Variants in RGS5 observed in about 807,000 individuals in gnomAD.
RGS5 encodes the protein regulator of G-protein signalling 5.
Under a neutral mutation model 18.9 loss-of-function variants are expected in RGS5, and 20 were observed. The ratio of observed to expected loss-of-function variants is 1.06; its 90% CI spans 0.74 to 1.54. The LOEUF is 1.54. Ranked by LOEUF, RGS5 falls within the 40% of genes most tolerant of loss-of-function variation. The probability of loss-of-function intolerance (pLI) is 0.00; values close to 1 mark genes in which losing one functional copy is unlikely to be tolerated. For synonymous variants in RGS5, 57 were observed against 76.2 expected (o/e 0.75, Z 1.31); for missense variants, 201 against 211.8 (o/e 0.95, Z 0.32).
At chr1:163,213,455 C>T (rs1447428080) in intron 1 of RGS5, among the ~76,000 whole-genome samples, 1 of 152,122 alleles carries the variant, frequency 6.6e-6, no homozygotes, top group Non-Finnish European at 1.5e-5. Flanking sequence ...TCCATTCTTT[C>T]TGAGTGTAAT....
chr1:163,150,782 T>C (rs1204861612), intron 4 of RGS5, among the ~76,000 whole-genome samples: 1 of 152,196 alleles, frequency 6.6e-6, no homozygotes, highest in Non-Finnish European at 1.5e-5. Context: ...CATCTACTAG[T>C]ATCAAGGTAC....
chr1:163,226,135 G>T (rs55892625), intron 2 of RGS5, among the ~76,000 whole-genome samples: 5,326 of 150,552 alleles, frequency 0.035, 134 homozygotes, highest in Middle Eastern at 0.078. Flanking sequence ...GGTCAGGCTG[G>T]TCTCAAACTC....
intron 1 of RGS5, among the ~76,000 whole-genome samples, chr1:163,210,544 G>A (rs1263136638): frequency 6.6e-6 from 1 of 152,138 alleles, no homozygotes; most frequent in African/African-American, 2.4e-5. Flanking sequence ...TGAAGAAAGA[G>A]AGAAAGTATC....
At chr1:163,165,344 G>A in intron 2 of RGS5, among the ~76,000 whole-genome samples, 1 of 152,146 alleles carries the variant, frequency 6.6e-6, no homozygotes, top group Non-Finnish European at 1.5e-5. Flanking sequence ...CAGGGGAAAG[G>A]GAGACATTTA....
chr1:163,313,665 CT>C (rs972305444), intron 1 of RGS5, among the ~76,000 whole-genome samples: 3 of 152,174 alleles, frequency 2.0e-5, no homozygotes, highest in Non-Finnish European at 4.4e-5. Context: ...CAACTAAACC[CT>C]TCCCCACAGA....
At chr1:163,296,441 C>T (rs1280371844) in intron 2 of RGS5, among the ~76,000 whole-genome samples, 1 of 152,084 alleles carries the variant, frequency 6.6e-6, no homozygotes. Flanking sequence ...TAAAGACTGC[C>T]CCTTTACTAA....
chr1:163,211,479 G>A (rs1660100734), intron 1 of RGS5: 1 of 152,134 alleles, frequency 6.6e-6, no homozygotes, highest in Non-Finnish European at 1.5e-5. Context: ...AGGTGGTGAA[G>A]GCATAGAAGT....
intron 1 of RGS5, among the ~76,000 whole-genome samples, chr1:163,170,776 C>A (rs972936996): frequency 3.3e-5 from 5 of 152,104 alleles, no homozygotes; most frequent in Admixed American, 6.6e-5. Context: ...ACTCAGGTCC[C>A]ATAGTACCTC....
chr1:163,213,976 T>C (rs961001761), intron 1 of RGS5, among the ~76,000 whole-genome samples: 15 of 152,162 alleles, frequency 9.9e-5, no homozygotes, highest in Non-Finnish European at 2.1e-4. Flanking sequence ...ACTGATCAAG[T>C]AACCCCATTA....
chr1:163,265,985 T>C (rs1648564053), intron 2 of RGS5, among the ~76,000 whole-genome samples: 1 of 152,168 alleles, frequency 6.6e-6, no homozygotes, highest in South Asian at 2.1e-4. Flanking sequence ...TTTCAGCCTA[T>C]ACTTGTCCCT....
At chr1:163,151,444 G>A (rs1050205644) in intron 4 of RGS5, among the ~76,000 whole-genome samples, 3 of 152,098 alleles carry the variant, frequency 2.0e-5, no homozygotes, top group Non-Finnish European at 4.4e-5. Flanking sequence ...TAATCAGTTC[G>A]GACACTGAGA....
chr1:163,253,394 C>T lies in RGS5; in HGVS notation c.-281+52839G>A, dbSNP rs186000890. Among the ~76,000 whole-genome samples, 1,440 of 152,066 alleles carry T rather than the reference C, an allele frequency of 9.5e-3. 9 individuals are homozygous for T. Among genetic ancestry groups the T allele is most frequent in the Middle Eastern group, 0.017 (5 of 294 alleles). ...CACGATCTCAGCTCACTGCACCCTC[C>T]GCCTCCCAGCTTCAACCAATTTTCC... On this transcript the variant is annotated intron_variant, in intron 2 of 5. Transcript: ENST00000618415.
upstream of RGS5, among the ~76,000 whole-genome samples, chr1:163,221,031 T>C (rs910385404): frequency 6.6e-6 from 1 of 152,200 alleles, no homozygotes; most frequent in African/African-American, 2.4e-5. Context: ...TTGTGGTAAT[T>C]TGTTATAGCA....
rs186559534 is a variant in RGS5, at chr1:163,309,661, T to C, written c.-377-3332A>G. On this transcript the variant is annotated intron_variant, in intron 1 of 5. Coordinates refer to the RGS5 transcript ENST00000618415. ...TTCCTCCACTAAAGTCATGAAGTCA[T>C]TCATAAGGCCTGGAATTAACTTCTT... Among the ~76,000 whole-genome samples, 3 of 152,306 alleles carry C rather than the reference T, an allele frequency of 2.0e-5. No homozygotes were observed. The East Asian group carries it at 5.8e-4, about 29-fold the overall frequency.
chr1:163,316,518 C>T (rs1650026865), intron 1 of RGS5, among the ~76,000 whole-genome samples: 1 of 151,340 alleles, frequency 6.6e-6, no homozygotes, highest in South Asian at 2.1e-4. Context: ...TGCTTGAGCA[C>T]AGGAGTTTGA....
At chr1:163,162,092 A>G (rs1657823775) in intron 2 of RGS5, 116 bp from the exon 3 acceptor site, 1 of 744,896 alleles carries the variant, frequency 1.3e-6, no homozygotes, top group Non-Finnish European at 2.4e-6. Flanking sequence ...CTGCTGGTCT[A>G]TCCTCAGGAC....
At chr1:163,293,703 T>G (rs577099876) in intron 2 of RGS5, among the ~76,000 whole-genome samples, 59 of 152,122 alleles carry the variant, frequency 3.9e-4, no homozygotes, top group Non-Finnish European at 6.6e-4. Context: ...AAGTCCAAAG[T>G]CTCATCAGAG....
At chr1:163,260,274 T>C (rs1004599516) in intron 2 of RGS5, 6 of 152,248 alleles carry the variant, frequency 3.9e-5, no homozygotes, top group African/African-American at 1.2e-4. Flanking sequence ...TTTGGATGGT[T>C]TGCATCATTT....
intron 2 of RGS5, among the ~76,000 whole-genome samples, chr1:163,269,548 G>A (rs1185827387): frequency 6.6e-6 from 1 of 152,134 alleles, no homozygotes; most frequent in Non-Finnish European, 1.5e-5. Flanking sequence ...CTGGAGACAT[G>A]TTATTTGAGA....
Sources: allele counts gnomAD v4.1 joint callset (sites outside exome capture counted in the v4.1 genomes callset), GRCh38; gene constraint gnomAD v4.1.1; transcripts MANE v1.5; gene names NCBI Gene and HGNC (gene_info 2026-07-23, HGNC 2026-07-21).